Variants in NR3C2 observed in about 807,000 individuals in gnomAD.
NR3C2 encodes nuclear receptor subfamily 3 group C member 2.
A neutral mutation model predicts 86.4 loss-of-function variants in NR3C2; 15 were observed. The observed-to-expected ratio is 0.17, with a 90% CI of 0.12 to 0.27. NR3C2 has a LOEUF of 0.27. Ranked by LOEUF, NR3C2 falls within the 10% of genes least tolerant of loss-of-function variation. NR3C2 has a pLI of 1.00. For synonymous variants in NR3C2, 458 were observed against 450.5 expected, an observed-to-expected ratio of 1.02 and a Z score of -0.21; for missense variants, 960 against 1,195.6, an observed-to-expected ratio of 0.80 and a Z score of 2.91.
At chr4:148,404,707 T>G (rs1748327393) in intron 2 of NR3C2, among the ~76,000 whole-genome samples, 1 of 152,032 alleles carries the variant, frequency 6.6e-6, no homozygotes. Context: ...AAACATAATA[T>G]CAAAGCACAA....
intron 4 of NR3C2, among the ~76,000 whole-genome samples, chr4:148,160,267 C>A (rs1379014010): frequency 6.6e-6 from 1 of 152,130 alleles, no homozygotes; most frequent in Admixed American, 6.5e-5. Context: ...TCCTGACCAA[C>A]CTGCAAAAGA....
chr4:148,256,195 C>G (rs1739823649), intron 3 of NR3C2, among the ~76,000 whole-genome samples: 1 of 152,140 alleles, frequency 6.6e-6, no homozygotes, highest in Non-Finnish European at 1.5e-5. Flanking sequence ...TTCCACAGAT[C>G]CCCATTCTCC....
chr4:148,380,844 CAGTT>C (rs1254986027), intron 2 of NR3C2, among the ~76,000 whole-genome samples: 1 of 152,114 alleles, frequency 6.6e-6, no homozygotes, highest in Admixed American at 6.5e-5. Flanking sequence ...GACTTATACA[CAGTT>C]AATCAGTATT....
At chr4:148,128,450 C>T (rs1457207767) in intron 6 of NR3C2, among the ~76,000 whole-genome samples, 1 of 152,202 alleles carries the variant, frequency 6.6e-6, no homozygotes, top group Non-Finnish European at 1.5e-5. Context: ...TTGACAAGCC[C>T]AAACTACAAA....
In NR3C2 at chr4:148,080,939, GT is replaced by G. The variant is rs1730524174; in HGVS notation, c.*404del. 1 of 320,468 alleles carries G rather than the reference GT, an allele frequency of 3.1e-6. No homozygotes were observed. The highest frequency in any genetic ancestry group is 6.3e-6 in the Non-Finnish European group (1 of 158,870). 19.9% of individuals were successfully genotyped at this position (320,468 alleles called of 1,614,324 possible). On this transcript the variant is annotated 3_prime_UTR_variant, in exon 9 of 9. Transcript: ENST00000358102. Reference sequence around the variant, plus strand: ...GCCCCATATTGACTATACGTTTTATGTGCAAACCAAGGGTAAGCTTTAAAAC... The same window carrying G: ...GCCCCATATTGACTATACGTTTTATGGCAAACCAAGGGTAAGCTTTAAAAC...
chr4:148,269,732 A>C (rs2149883038), intron 2 of NR3C2, among the ~76,000 whole-genome samples: 1 of 152,350 alleles, frequency 6.6e-6, no homozygotes, highest in South Asian at 2.1e-4. Flanking sequence ...ATGTGTGAGC[A>C]TACTTATATT....
intron 2 of NR3C2, among the ~76,000 whole-genome samples, chr4:148,428,685 C>A (rs1181153482): frequency 6.6e-6 from 1 of 152,192 alleles, no homozygotes; most frequent in East Asian, 1.9e-4. Flanking sequence ...TAGACGCTTA[C>A]ATAGGCTTTT....
At chr4:148,109,080 C>G (rs1022028992) in intron 8 of NR3C2, among the ~76,000 whole-genome samples, 2 of 152,206 alleles carry the variant, frequency 1.3e-5, no homozygotes, top group African/African-American at 2.4e-5. Context: ...CAAGGAAGTT[C>G]TGGCTGCCAC....
chr4:148,430,253 C>T (rs972823314), intron 2 of NR3C2, among the ~76,000 whole-genome samples: 1 of 152,064 alleles, frequency 6.6e-6, no homozygotes, highest in Non-Finnish European at 1.5e-5. Context: ...GAAACCATGG[C>T]TTTTATCTCA....
At chr4:148,195,717 T>C (rs1736409928) in intron 3 of NR3C2, among the ~76,000 whole-genome samples, 1 of 152,084 alleles carries the variant, frequency 6.6e-6, no homozygotes, top group Admixed American at 6.5e-5. Flanking sequence ...GGGAAGAACA[T>C]ACACCAGAAA....
chr4:148,234,048 T>C (rs1052068089), intron 3 of NR3C2, among the ~76,000 whole-genome samples: 2 of 152,164 alleles, frequency 1.3e-5, no homozygotes, highest in African/African-American at 2.4e-5. Flanking sequence ...GGTATGCCTA[T>C]ATCTAAAGAT....
At chr4:148,307,443 G>A (rs1015814314) in intron 2 of NR3C2, among the ~76,000 whole-genome samples, 2 of 152,112 alleles carry the variant, frequency 1.3e-5, no homozygotes, top group African/African-American at 2.4e-5. Context: ...AAGATCAAAC[G>A]AGATTTGTAG....
chr4:148,421,399 C>T (rs1749273942), intron 2 of NR3C2, among the ~76,000 whole-genome samples: 1 of 152,162 alleles, frequency 6.6e-6, no homozygotes, highest in South Asian at 2.1e-4. Flanking sequence ...TTAAAATGTC[C>T]ATGTTTTCTG....
chr4:148,417,774 G>A (rs1049535388), intron 2 of NR3C2, among the ~76,000 whole-genome samples: 1 of 152,168 alleles, frequency 6.6e-6, no homozygotes, highest in Non-Finnish European at 1.5e-5. Context: ...ATTTTTCATA[G>A]CTGATTTAAA....
At chr4:148,285,503 T>C (rs527307414) in intron 2 of NR3C2, among the ~76,000 whole-genome samples, 3 of 152,228 alleles carry the variant, frequency 2.0e-5, no homozygotes, top group African/African-American at 4.8e-5. Context: ...GGTCAAGAGA[T>C]TGAGATCATC....
At chr4:148,361,795 T>C (rs976049245) in intron 2 of NR3C2, among the ~76,000 whole-genome samples, 2 of 151,934 alleles carry the variant, frequency 1.3e-5, no homozygotes, top group Non-Finnish European at 2.9e-5. Flanking sequence ...GAACCAAAAA[T>C]TGAGGGACAT....
intron 2 of NR3C2, among the ~76,000 whole-genome samples, chr4:148,333,202 T>C (rs114235822): frequency 0.016 from 2,504 of 152,076 alleles, 63 homozygotes; most frequent in African/African-American, 0.057. Flanking sequence ...ACCCGGGAGA[T>C]GGAAGTTGCA....
chr4:148,177,961 TA>T (rs546264963), intron 4 of NR3C2, among the ~76,000 whole-genome samples: 339 of 152,366 alleles, frequency 2.2e-3, no homozygotes, highest in Non-Finnish European at 3.4e-3. Context: ...GCTTCCGAGA[TA>T]TGCTTCATTT....
chr4:148,175,859 C>T (rs1262037012), intron 4 of NR3C2, among the ~76,000 whole-genome samples: 2 of 152,114 alleles, frequency 1.3e-5, no homozygotes, highest in African/African-American at 4.8e-5. Context: ...ATTTTTTTAG[C>T]CAGGCATGTG....
Sources: allele counts gnomAD v4.1 joint callset (sites outside exome capture counted in the v4.1 genomes callset), GRCh38; gene constraint gnomAD v4.1.1; transcripts MANE v1.5; gene names NCBI Gene and HGNC (gene_info 2026-07-23, HGNC 2026-07-21).